Variants in ANKS1A observed in about 807,000 individuals in gnomAD.
ANKS1A encodes the protein ankyrin repeat and sterile alpha motif domain containing 1A.
ANKS1A carries 55 observed loss-of-function variants against 120.3 expected under a neutral mutation model. The observed-to-expected ratio is 0.46, with a 90% CI of 0.37 to 0.57. The LOEUF (loss-of-function observed/expected upper bound fraction) is 0.57, where lower values mean the gene tolerates loss of function less well. Among genes scored for constraint, ANKS1A ranks in the 20% least tolerant of loss-of-function variants. The probability of loss-of-function intolerance (pLI) is 0.00; values close to 1 mark genes in which losing one functional copy is unlikely to be tolerated. For synonymous variants in ANKS1A, 590 were observed against 604.7 expected (o/e 0.98, Z 0.36); for missense variants, 1,123 against 1,480.3 (o/e 0.76, Z 3.96).
intron 8 of ANKS1A, among the ~76,000 whole-genome samples, 173 bp from the exon 9 acceptor site, chr6:34,989,051 T>C (rs1374185762): frequency 6.6e-6 from 1 of 152,224 alleles, no homozygotes; most frequent in African/African-American, 2.4e-5. Flanking sequence ...AATTGAATTG[T>C]GTATGTATGC....
At chr6:34,962,258 T>C (rs1401272974) in intron 1 of ANKS1A, among the ~76,000 whole-genome samples, 1 of 152,212 alleles carries the variant, frequency 6.6e-6, no homozygotes, top group Non-Finnish European at 1.5e-5. Context: ...TATCACGATG[T>C]CCCTCAGGCT....
At chr6:34,990,605 A>G (rs1418706468) in intron 9 of ANKS1A, among the ~76,000 whole-genome samples, 1 of 151,660 alleles carries the variant, frequency 6.6e-6, no homozygotes, top group Non-Finnish European at 1.5e-5. Context: ...GTTAAAATTC[A>G]TAATGCTTGG....
chr6:35,091,572 A>AAGC (rs1778306207), downstream of ANKS1A, among the ~76,000 whole-genome samples: 1 of 149,076 alleles, frequency 6.7e-6, no homozygotes, highest in Non-Finnish European at 1.5e-5. Context: ...GCACTCTCTA[A>AAGC]CAAACAGTTA....
At chr6:35,061,624 G>A (rs550780498) in intron 13 of ANKS1A, among the ~76,000 whole-genome samples, 21 of 152,306 alleles carry the variant, frequency 1.4e-4, no homozygotes, top group African/African-American at 5.1e-4. Context: ...AAGATACTGT[G>A]GTGTGCAACA....
At chr6:35,088,104 G>T (rs1778092397) in intron 23 of ANKS1A, among the ~76,000 whole-genome samples, 2 of 152,254 alleles carry the variant, frequency 1.3e-5, no homozygotes, top group South Asian at 4.1e-4. Context: ...CACGGTGGGG[G>T]ATCACAGATA....
rs149416311 is a variant in ANKS1A at position 34,991,541 on chromosome 6, T to TACAC, written c.1302+2261_1302+2264dup. ...ACATAGCCGGGAAAAAAAAAATATA[T>TACAC]ACACACACACACACACACACACACA... On this transcript the variant is annotated intron_variant, in intron 9 of 23. Coordinates refer to ENST00000360359, the MANE Select transcript of ANKS1A (RefSeq NM_015245.3). 7.1e-3 allele frequency among the ~76,000 whole-genome samples: 976 copies of TACAC among 138,438 alleles called. 23 individuals carry two copies. Among genetic ancestry groups the TACAC allele is most frequent in the African/African-American group, 0.023 (820 of 35,538 alleles). 90.8% of individuals were successfully genotyped at this position (138,438 alleles called of 152,430 possible). A position where few individuals can be genotyped will look rare whatever the true frequency, so the allele number is the denominator to read the frequency against.
At chr6:35,039,735 A>C in intron 11 of ANKS1A, 2 of 418,084 alleles carry the variant, frequency 4.8e-6, no homozygotes, top group South Asian at 3.4e-5. Context: ...GAGAAAGGTC[A>C]TTTTTCCCAG....
intron 1 of ANKS1A, among the ~76,000 whole-genome samples, chr6:34,936,061 CAAAAAA>C (rs34851777): frequency 2.5e-4 from 9 of 36,342 alleles, no homozygotes; most frequent in African/African-American, 5.4e-4. Flanking sequence ...GACTCCGTCT[CAAAAAA>C]AAAAAAAAAA....
chr6:34,953,909 CT>C (rs980279509), intron 1 of ANKS1A, among the ~76,000 whole-genome samples: 4 of 152,172 alleles, frequency 2.6e-5, no homozygotes, highest in African/African-American at 9.7e-5. Flanking sequence ...TTCAGCAGTT[CT>C]GTGCCTTCTT....
At chr6:35,066,455 G>T (rs2127595329) in intron 13 of ANKS1A, among the ~76,000 whole-genome samples, 1 of 152,246 alleles carries the variant, frequency 6.6e-6, no homozygotes, top group South Asian at 2.1e-4. Context: ...AAAGAGGAAG[G>T]TGTTTCAGGA....
At chr6:34,979,740 A>G (rs1771804481) in intron 3 of ANKS1A, among the ~76,000 whole-genome samples, 1 of 152,160 alleles carries the variant, frequency 6.6e-6, no homozygotes, top group Non-Finnish European at 1.5e-5. Context: ...GCTTCAGAGT[A>G]AATAGTTTTT....
At chr6:35,095,513 C>T (rs550053653), downstream of ANKS1A, among the ~76,000 whole-genome samples, 14 of 142,194 alleles carry the variant, frequency 9.8e-5, no homozygotes, top group African/African-American at 2.1e-4. Flanking sequence ...GCCAAGATTG[C>T]GCCACTGCAC....
Position 35,090,294 on chromosome 6 carries a change from A to C in ANKS1A, c.*1685A>C. On this transcript the variant is annotated 3_prime_UTR_variant, in exon 24 of 24. Coordinates refer to ENST00000360359, the MANE Select transcript of ANKS1A (RefSeq NM_015245.3). ...GGCCCCGGCTTTCTTCCAAGAGTTG[A>C]CCAGGAACCCTAAAGCATCCAGAGT... is the stretch of plus-strand genomic sequence containing the variant. The C allele has an allele frequency of 4.7e-6, 6 of 1,289,668 alleles. No homozygotes were observed. The highest frequency in any genetic ancestry group is 5.1e-6 in the Non-Finnish European group (5 of 988,804). 79.9% of individuals were successfully genotyped at this position (1,289,668 alleles called of 1,614,324 possible).
chr6:35,039,091 T>TGG lies in ANKS1A; in HGVS notation c.2011-15000_2011-14999dup, dbSNP rs36124416. 8.4e-3 allele frequency among the ~76,000 whole-genome samples: 952 copies of TGG among 113,878 alleles called. 7 individuals carry two copies. The highest frequency in any genetic ancestry group is 0.025 in the East Asian group (106 of 4,310). The allele number at this position is 113,878 out of a possible 152,430, so 74.7% of individuals were successfully genotyped here. A position where few individuals can be genotyped will look rare whatever the true frequency, so the allele number is the denominator to read the frequency against. On this transcript the variant is annotated intron_variant, in intron 11 of 23. Transcript: ENST00000360359. ...TTTTGCATGTATGTGTGTGTGTGTG[T>TGG]GGGGGGGGGTTATATGCATTTTTAT...
At chr6:35,020,005 C>T (rs968743243) in intron 11 of ANKS1A, among the ~76,000 whole-genome samples, 7 of 151,946 alleles carry the variant, frequency 4.6e-5, no homozygotes, top group East Asian at 1.9e-4. Flanking sequence ...GTGGAGAGAG[C>T]GGCATGAGCA....
intron 1 of ANKS1A, among the ~76,000 whole-genome samples, chr6:34,936,107 G>A (rs185840405): frequency 2.6e-5 from 4 of 152,048 alleles, no homozygotes; most frequent in Admixed American, 2.6e-4. Context: ...TGGTGAAGTG[G>A]TGGTGAGATT....
intron 10 of ANKS1A, among the ~76,000 whole-genome samples, chr6:34,997,353 T>C (rs1208389066): frequency 2.0e-5 from 3 of 151,996 alleles, no homozygotes; most frequent in Non-Finnish European, 4.4e-5. Flanking sequence ...TCCACCACCA[T>C]GCCTGGCTAA....
At chr6:34,957,965 T>G (rs1241203836) in intron 1 of ANKS1A, among the ~76,000 whole-genome samples, 1 of 152,170 alleles carries the variant, frequency 6.6e-6, no homozygotes, top group Non-Finnish European at 1.5e-5. Context: ...CTTGTAAGAG[T>G]CAAGTATGGG....
At chr6:35,043,482 GGGAGTTGACTTATTTGAT>G (rs1775566581) in intron 11 of ANKS1A, among the ~76,000 whole-genome samples, 1 of 152,198 alleles carries the variant, frequency 6.6e-6, no homozygotes, top group Non-Finnish European at 1.5e-5. Context: ...CTGTGTCTCT[GGGAGTTGACTTATTTGAT>G]GGTGAAGGTG....
Sources: allele counts gnomAD v4.1 joint callset (sites outside exome capture counted in the v4.1 genomes callset), GRCh38; gene constraint gnomAD v4.1.1; transcripts MANE v1.5; gene names NCBI Gene and HGNC (gene_info 2026-07-23, HGNC 2026-07-21).